The following FMN2 variants were observed in gnomAD, a reference collection of about 807,000 sequenced individuals.
FMN2 encodes the protein formin 2, also known as formin-2.
In FMN2, 51 loss-of-function variants were observed where a neutral mutation model predicts 142.3. The ratio of observed to expected loss-of-function variants is 0.36; its 90% confidence interval spans 0.29 to 0.45. FMN2 has a LOEUF of 0.45. FMN2 is among the 20% of genes least tolerant of loss of function. The pLI is 1.00. For missense variants in FMN2, 1,936 were observed against 2,122.8 expected (o/e 0.91, Z 1.73); for synonymous variants, 882 against 869.8 (o/e 1.01, Z -0.25).
intron 11 of FMN2, among the ~76,000 whole-genome samples, chr1:240,332,284 G>A (rs562286281): frequency 1.3e-5 from 2 of 151,416 alleles, no homozygotes; most frequent in South Asian, 2.1e-4. Flanking sequence ...TGCTGAAGCC[G>A]AGTGCAATAG....
intron 6 of FMN2, among the ~76,000 whole-genome samples, chr1:240,213,913 T>G (rs1468523264): frequency 1.3e-5 from 2 of 152,162 alleles, no homozygotes; most frequent in East Asian, 3.9e-4. Flanking sequence ...GCTGGGCACA[T>G]TGCCGTTTGG....
intron 14 of FMN2, among the ~76,000 whole-genome samples, chr1:240,367,633 T>TG (rs1558456133): frequency 6.6e-6 from 1 of 151,194 alleles, no homozygotes; most frequent in Non-Finnish European, 1.5e-5. Context: ...CCGGGAGTGG[T>TG]GGTGGGCTCC....
At chr1:240,172,474 A>T (rs1437912417) in intron 2 of FMN2, among the ~76,000 whole-genome samples, 2 of 152,218 alleles carry the variant, frequency 1.3e-5, no homozygotes, top group Non-Finnish European at 2.9e-5. Context: ...ATAGATTTTT[A>T]AAATTCAAAA....
intron 11 of FMN2, among the ~76,000 whole-genome samples, chr1:240,331,886 T>G (rs898582451): frequency 1.3e-5 from 2 of 152,286 alleles, no homozygotes; most frequent in African/African-American, 4.8e-5. Context: ...CTCATGTAAT[T>G]TATTGAATAC....
chr1:240,456,760 A>G (rs1239140751), intron 16 of FMN2, among the ~76,000 whole-genome samples: 2 of 152,188 alleles, frequency 1.3e-5, no homozygotes, highest in African/African-American at 2.4e-5. Context: ...CCGGCGGAAG[A>G]GTGCTGAATT....
intron 14 of FMN2, among the ~76,000 whole-genome samples, chr1:240,378,021 C>T (rs1673102127): frequency 1.3e-5 from 2 of 152,052 alleles, no homozygotes; most frequent in South Asian, 4.1e-4. Context: ...CCCACTCCTT[C>T]CCCATCTAAA....
chr1:240,113,699 G>T (rs1024057905), intron 1 of FMN2, among the ~76,000 whole-genome samples: 2 of 152,066 alleles, frequency 1.3e-5, no homozygotes, highest in South Asian at 4.1e-4. Context: ...AATGCAGGAA[G>T]AGAAATAAAA....
At chr1:240,415,943 G>A (rs1674562939) in intron 15 of FMN2, among the ~76,000 whole-genome samples, 1 of 152,084 alleles carries the variant, frequency 6.6e-6, no homozygotes, top group Non-Finnish European at 1.5e-5. Context: ...AGCTTCTCCA[G>A]CCTCCTTCAG....
At chr1:240,434,293 A>G (rs750255339) in intron 15 of FMN2, among the ~76,000 whole-genome samples, 10 of 152,182 alleles carry the variant, frequency 6.6e-5, no homozygotes. Context: ...TGAATCCTGT[A>G]TTGGTATATG....
chr1:240,468,538 G>A (rs1011883085), intron 16 of FMN2, among the ~76,000 whole-genome samples: 10 of 152,088 alleles, frequency 6.6e-5, no homozygotes, highest in Non-Finnish European at 1.3e-4. Flanking sequence ...TATCAATGAG[G>A]TATTGTCCCT....
chr1:240,373,597 A>C (rs1483722200), intron 14 of FMN2, among the ~76,000 whole-genome samples: 2 of 152,194 alleles, frequency 1.3e-5, no homozygotes, highest in African/African-American at 4.8e-5. Context: ...GTCATTCATA[A>C]GAAGCAACTC....
chr1:240,285,533 G>T (rs753256428), intron 7 of FMN2, among the ~76,000 whole-genome samples: 2 of 151,558 alleles, frequency 1.3e-5, no homozygotes, highest in Admixed American at 6.6e-5. Context: ...GGTAAGAAAG[G>T]GTGGCAGTAG....
In FMN2 at chr1:240,350,285, T is replaced by C. The variant is rs572666166; in HGVS notation, c.4766-5531T>C. ...ACAGGTTTTATATCACACTGAGCTT[T>C]GGAAATTTGGATGTGAGTTTTGGTG... On this transcript the variant is annotated intron_variant, in intron 13 of 17. Transcript: ENST00000319653. Among the ~76,000 whole-genome samples the C allele has an allele frequency of 7.9e-5, 12 of 152,316 alleles. 1 individual carries two copies. The highest frequency in any genetic ancestry group is 6.8e-3 in the Middle Eastern group (2 of 294).
rs58002724 is a variant in FMN2, at chr1:240,355,951, C to CAAAAAAAAAAAAAAAAAAAA, written c.4858+59_4858+78dup. The CAAAAAAAAAAAAAAAAAAAA allele has an allele frequency of 1.1e-4, 28 of 252,946 alleles. 1 individual carries two copies. The highest frequency in any genetic ancestry group is 5.4e-4 in the African/African-American group (14 of 25,938). The allele number at this position is 252,946 out of a possible 1,614,324, so 15.7% of individuals were successfully genotyped here. On this transcript the variant is annotated intron_variant, in intron 14 of 17. Transcript: ENST00000319653. ...GTGTTATGTTTTTCTCCCCTTTCAG[C>CAAAAAAAAAAAAAAAAAAAA]AAAAAAAAAAAAAAAAAAAAAAAAA...
intron 15 of FMN2, among the ~76,000 whole-genome samples, chr1:240,419,085 G>A (rs143098235): frequency 6.6e-6 from 1 of 152,144 alleles, no homozygotes; most frequent in Non-Finnish European, 1.5e-5. Flanking sequence ...TCCAGCCTGG[G>A]CAACAAGAGC....
intron 6 of FMN2, among the ~76,000 whole-genome samples, chr1:240,248,563 C>T (rs191745583): frequency 2.6e-5 from 4 of 151,518 alleles, no homozygotes; most frequent in Admixed American, 2.0e-4. Context: ...CTGCAGTAAA[C>T]GTAGGGTGAA....
At position 240,474,249 on chromosome 1, in the gene FMN2, A is replaced by G. The variant is rs573118506; in HGVS notation, c.*95A>G. 3.3e-5 allele frequency: 38 copies of G among 1,164,174 alleles called. No homozygotes were observed. Among genetic ancestry groups the G allele is most frequent in the Admixed American group, 1.6e-4 (5 of 31,302 alleles). The allele number at this position is 1,164,174 out of a possible 1,614,324, so 72.1% of individuals were successfully genotyped here. ...GAGGGAAACTACCGTCATTCTGCTC[A>G]TGTTTCTTCTTGACCTCTTGCATAA... On this transcript the variant is annotated 3_prime_UTR_variant, in exon 18 of 18. Transcript: ENST00000319653.
chr1:240,285,124 A>G, intron 7 of FMN2: 2 of 414,560 alleles, frequency 4.8e-6, no homozygotes, highest in Non-Finnish European at 9.9e-6. Flanking sequence ...CATTTTGTTC[A>G]ATTAGGAGGG....
At chr1:240,311,652 G>A (rs1251552003) in intron 8 of FMN2, among the ~76,000 whole-genome samples, 6 of 152,084 alleles carry the variant, frequency 3.9e-5, no homozygotes. Context: ...GTGTGACACT[G>A]CCTGTCACAT....
Sources: gnomAD v4.1 joint callset for allele counts (sites outside exome capture counted in the v4.1 genomes callset) on GRCh38, gnomAD v4.1.1 for gene constraint, MANE v1.5 for transcripts, NCBI Gene and HGNC (gene_info 2026-07-23, HGNC 2026-07-21) for gene names.